Variants in WWTR1 observed in about 807,000 individuals in gnomAD.
The protein encoded by WWTR1 is WW domain-containing transcription regulator protein 1.
A neutral mutation model predicts 40.1 loss-of-function variants in WWTR1; 13 were observed. That is an observed-to-expected ratio of 0.32 (90% CI 0.21 to 0.52). The LOEUF (loss-of-function observed/expected upper bound fraction) is 0.52, where lower values mean the gene tolerates loss of function less well. WWTR1 is among the 20% of genes least tolerant of loss of function. The pLI is 0.97. For synonymous variants in WWTR1, 230 were observed against 210.1 expected, an observed-to-expected ratio of 1.09 and a Z score of -0.82; for missense variants, 436 against 523.1, an observed-to-expected ratio of 0.83 and a Z score of 1.63.
chr3:149,714,881 A>G (rs962533723), intron 5 of WWTR1, among the ~76,000 whole-genome samples: 3 of 152,090 alleles, frequency 2.0e-5, no homozygotes, highest in African/African-American at 7.2e-5. Flanking sequence ...AGAGTCAGTC[A>G]GACTCGGAAG....
At chr3:149,530,017 C>T (rs981002888) in intron 4 of WWTR1, among the ~76,000 whole-genome samples, 1 of 152,094 alleles carries the variant, frequency 6.6e-6, no homozygotes, top group Non-Finnish European at 1.5e-5. Flanking sequence ...TGGCTGCATT[C>T]CTTTGTATTG....
intron 5 of WWTR1, 122 bp downstream of exon 5, chr3:149,527,714 C>T (rs1298147653): frequency 1.2e-5 from 17 of 1,408,186 alleles, no homozygotes; most frequent in Non-Finnish European, 1.6e-5. Context: ...CACTTCCTCC[C>T]TTTATTCTCA....
intron 4 of WWTR1, among the ~76,000 whole-genome samples, chr3:149,539,066 G>A (rs958053608): frequency 2.0e-5 from 3 of 152,016 alleles, no homozygotes; most frequent in Non-Finnish European, 2.9e-5. Context: ...TAATGTTCTC[G>A]CATGATTTCA....
chr3:149,530,911 G>C (rs1198452617), intron 4 of WWTR1, among the ~76,000 whole-genome samples: 1 of 151,982 alleles, frequency 6.6e-6, no homozygotes, highest in African/African-American at 2.4e-5. Flanking sequence ...AAATCAGAAA[G>C]GGTGTTGAAT....
intron 5 of WWTR1, among the ~76,000 whole-genome samples, chr3:149,716,951 C>G (rs560775914): frequency 6.6e-6 from 1 of 152,082 alleles, no homozygotes; most frequent in African/African-American, 2.4e-5. Flanking sequence ...CTGAGGTGGG[C>G]GGGTTACTTG....
At chr3:149,570,398 G>A (rs976660299) in intron 3 of WWTR1, among the ~76,000 whole-genome samples, 3 of 151,894 alleles carry the variant, frequency 2.0e-5, no homozygotes, top group East Asian at 1.9e-4. Context: ...GTGAAATCCC[G>A]TCTCTACTAA....
intron 3 of WWTR1, among the ~76,000 whole-genome samples, chr3:149,569,958 T>C (rs1431815622): frequency 6.6e-6 from 1 of 152,212 alleles, no homozygotes; most frequent in Admixed American, 6.5e-5. Flanking sequence ...ACTACAGGGA[T>C]GCACCTCTAC....
chr3:149,639,502 C>T (rs1712028436), intron 2 of WWTR1, among the ~76,000 whole-genome samples: 1 of 152,174 alleles, frequency 6.6e-6, no homozygotes. Context: ...GCCACGACAA[C>T]CTAAAGTTAC....
intron 2 of WWTR1, among the ~76,000 whole-genome samples, chr3:149,651,983 G>A (rs1444146973): frequency 4.9e-5 from 7 of 142,776 alleles, no homozygotes; most frequent in Non-Finnish European, 1.1e-4. Flanking sequence ...CCGCTGCCAC[G>A]CCCGGCTAAT....
chr3:149,589,747 C>A (rs1738607608), intron 2 of WWTR1, among the ~76,000 whole-genome samples: 1 of 151,548 alleles, frequency 6.6e-6, no homozygotes, highest in African/African-American at 2.4e-5. Flanking sequence ...AGGCCTTACA[C>A]ACAGCAGACA....
intron 3 of WWTR1, among the ~76,000 whole-genome samples, chr3:149,545,719 G>T (rs1477568617): frequency 6.6e-6 from 1 of 152,008 alleles, no homozygotes; most frequent in East Asian, 1.9e-4. Flanking sequence ...ACAGGATTTT[G>T]CCATGTTGGC....
intron 2 of WWTR1, among the ~76,000 whole-genome samples, chr3:149,633,062 T>C (rs1711622910): frequency 1.3e-5 from 2 of 152,220 alleles, no homozygotes; most frequent in Admixed American, 6.5e-5. Flanking sequence ...GTGAATTATG[T>C]GCTGTGTAAA....
At chr3:149,559,107 A>G (rs146614297) in intron 3 of WWTR1, among the ~76,000 whole-genome samples, 1 of 152,130 alleles carries the variant, frequency 6.6e-6, no homozygotes, top group African/African-American at 2.4e-5. Flanking sequence ...CAGCCTGGCC[A>G]ACATGGGGAA....
intron 3 of WWTR1, among the ~76,000 whole-genome samples, chr3:149,568,644 G>A (rs1015196168): frequency 2.1e-5 from 3 of 146,162 alleles, no homozygotes; most frequent in Admixed American, 1.4e-4. Flanking sequence ...CCTGCAGAAA[G>A]AATCCTCTGT....
rs763418690 is a variant in WWTR1 at position 149,656,940 on chromosome 3, C to G, written c.367G>C (p.Glu123Gln). 1 of 1,575,376 alleles carries G rather than the reference C, an allele frequency of 6.3e-7. No individual in the cohort carries two copies. The highest frequency in any genetic ancestry group is 1.7e-4 in the Middle Eastern group (1 of 5,860). Residue 123 changes from glutamate to glutamine, a missense_variant, in exon 2 of 7, where the codon GAG becomes CAG. Transcript: ENST00000360632. ...LRQQSYDVTD[E>Q]LPLPPGWEMT... ...TCCCAGCCCGGGGGCAGTGGCAGCT[C>G]GTCGGTCACGTCGTAGGACTGCTGG...
intron 4 of WWTR1, among the ~76,000 whole-genome samples, chr3:149,721,419 G>C (rs912035763): frequency 2.6e-5 from 4 of 152,162 alleles, no homozygotes; most frequent in South Asian, 2.1e-4. Context: ...AGTTTTCATA[G>C]ATTGAATCAT....
At chr3:149,522,045 TATTA>T (rs1461152020) in intron 6 of WWTR1, among the ~76,000 whole-genome samples, 1 of 152,210 alleles carries the variant, frequency 6.6e-6, no homozygotes, top group East Asian at 1.9e-4. Flanking sequence ...CTTCAGCCAC[TATTA>T]ATTACACAAT....
chr3:149,705,726 T>C (rs1576647796), upstream of WWTR1, among the ~76,000 whole-genome samples: 2 of 152,216 alleles, frequency 1.3e-5, no homozygotes, highest in South Asian at 4.1e-4. Flanking sequence ...TGAAAACATA[T>C]ATTAGCTTGT....
intron 2 of WWTR1, among the ~76,000 whole-genome samples, chr3:149,628,209 A>T (rs1740668542): frequency 6.6e-6 from 1 of 151,994 alleles, no homozygotes; most frequent in Admixed American, 6.5e-5. Context: ...TCCCTATTAA[A>T]AATACAAAAA....
Sources: gnomAD v4.1 joint callset for allele counts (sites outside exome capture counted in the v4.1 genomes callset) on GRCh38, gnomAD v4.1.1 for gene constraint, MANE v1.5 for transcripts, NCBI Gene and HGNC (gene_info 2026-07-23, HGNC 2026-07-21) for gene names.